The following USP15 variants were observed in gnomAD, a reference collection of about 807,000 sequenced individuals.
The protein encoded by USP15 is ubiquitin specific peptidase 15.
A neutral mutation model predicts 127.1 loss-of-function variants in USP15; 18 were observed. The ratio of observed to expected loss-of-function variants is 0.14; its 90% CI spans 0.10 to 0.21. USP15 has a LOEUF of 0.21. USP15 is among the 10% of genes least tolerant of loss of function. The pLI, the probability that USP15 is intolerant of heterozygous loss-of-function variation, is 1.00. For synonymous variants in USP15, 364 were observed against 393.7 expected (o/e 0.92, Z 0.89); for missense variants, 805 against 1,159.9 (o/e 0.69, Z 4.44).
At position 62,412,234 on chromosome 12, in the gene USP15, C is replaced by G. The variant is rs1055069879; in HGVS notation, c.*7859C>G. ...ATTTTCAAACTATTGCCAAAAAATG[C>G]TAAATAACCATCAGAGCCTTCAGCA... On this transcript the variant is annotated 3_prime_UTR_variant, in exon 22 of 22. Transcript: ENST00000280377. 2.6e-5 allele frequency: 4 copies of G among 152,292 alleles called. No homozygotes were observed. Among genetic ancestry groups the G allele is most frequent in the Admixed American group, 6.5e-5 (1 of 15,292 alleles). The allele number at this position is 152,292 out of a possible 1,614,324, so 9.4% of individuals were successfully genotyped here. A position where few individuals can be genotyped will look rare whatever the true frequency, so the allele number is the denominator to read the frequency against.
At chr12:62,385,304 A>T (rs1223140511) in intron 11 of USP15, among the ~76,000 whole-genome samples, 1 of 152,048 alleles carries the variant, frequency 6.6e-6, no homozygotes, top group East Asian at 1.9e-4. Flanking sequence ...TTTTTAGCCA[A>T]ATAGCTCAGT....
At chr12:62,260,844 T>G (rs1025839422) in intron 1 of USP15, among the ~76,000 whole-genome samples, 3 of 152,110 alleles carry the variant, frequency 2.0e-5, no homozygotes, top group African/African-American at 7.2e-5. Context: ...GTTTGAGTCT[T>G]ATATACGCCG....
chr12:62,388,116 G>GTTTTTTTTT (rs1565906819), intron 11 of USP15, among the ~76,000 whole-genome samples: 2 of 127,226 alleles, frequency 1.6e-5, no homozygotes, highest in South Asian at 2.5e-4. Flanking sequence ...GAATGGTGAA[G>GTTTTTTTTT]ATTTTTTTTT....
In USP15 at chr12:62,288,038, G is replaced by C. The variant is rs564349329; in HGVS notation, c.90-6141G>C. Among the ~76,000 whole-genome samples, 4 of 152,110 alleles carry C rather than the reference G, an allele frequency of 2.6e-5. No individual in the cohort carries two copies. In the South Asian group the frequency reaches 6.2e-4, roughly 24 times the overall value. Reference sequence around the variant, plus strand: ...TGGGTAATGTGATGCCTCCAGCTTTGTTCTTTTTGCTTAGTATTGCTTAAT... The same window carrying C: ...TGGGTAATGTGATGCCTCCAGCTTTCTTCTTTTTGCTTAGTATTGCTTAAT... On this transcript the variant is annotated intron_variant, in intron 1 of 21. Transcript: ENST00000280377.
intron 11 of USP15, among the ~76,000 whole-genome samples, chr12:62,388,160 T>TCA (rs2067216925): frequency 6.9e-6 from 1 of 144,524 alleles, no homozygotes; most frequent in African/African-American, 2.6e-5. Context: ...AGACAGGGTC[T>TCA]TGCTCTGTCA....
At chr12:62,300,235 T>G (rs942676958) in intron 2 of USP15, among the ~76,000 whole-genome samples, 1 of 152,182 alleles carries the variant, frequency 6.6e-6, no homozygotes, top group Non-Finnish European at 1.5e-5. Flanking sequence ...CAAAGATTTA[T>G]GTAAGATTTA....
chr12:62,336,171 A>C, intron 6 of USP15: 5 of 985,418 alleles, frequency 5.1e-6, no homozygotes, highest in Non-Finnish European at 4.8e-6. Context: ...GTTCAAAATT[A>C]GGTGATTCTA....
chr12:62,337,181 A>C (rs73136830), intron 6 of USP15, among the ~76,000 whole-genome samples: 2 of 152,130 alleles, frequency 1.3e-5, no homozygotes, highest in African/African-American at 4.8e-5. Flanking sequence ...CGAAAGCCCA[A>C]ATTTTATCAT....
intron 6 of USP15, among the ~76,000 whole-genome samples, chr12:62,341,650 C>A (rs2065651817): frequency 6.6e-6 from 1 of 152,132 alleles, no homozygotes; most frequent in Non-Finnish European, 1.5e-5. Flanking sequence ...CTTTGTTTGC[C>A]TGGATATGAA....
intron 8 of USP15, among the ~76,000 whole-genome samples, chr12:62,371,004 A>G (rs1441726247): frequency 3.3e-5 from 5 of 152,170 alleles, no homozygotes; most frequent in Admixed American, 2.0e-4. Context: ...CATTATTTCA[A>G]TGCTTAAGCA....
At chr12:62,374,065 TA>T (rs1183628510) in intron 8 of USP15, among the ~76,000 whole-genome samples, 4 of 152,018 alleles carry the variant, frequency 2.6e-5, no homozygotes, top group Admixed American at 6.6e-5. Flanking sequence ...TTGTCATGAT[TA>T]ATTAGAAAAC....
At chr12:62,389,371 T>G (rs1279784826) in intron 11 of USP15, 60 bp from the exon 12 acceptor site, 1 of 1,414,794 alleles carries the variant, frequency 7.1e-7, no homozygotes, top group Non-Finnish European at 9.7e-7. Flanking sequence ...GAGGTCACTC[T>G]CATTTACTGA....
At chr12:62,386,704 A>G (rs943893637) in intron 11 of USP15, among the ~76,000 whole-genome samples, 4 of 152,182 alleles carry the variant, frequency 2.6e-5, no homozygotes, top group African/African-American at 7.2e-5. Flanking sequence ...TGATGCCAGT[A>G]TAGGAAGTTT....
At chr12:62,392,005 T>TA (rs2067339233) in intron 17 of USP15, 119 bp downstream of exon 17, 2 of 1,091,686 alleles carry the variant, frequency 1.8e-6, no homozygotes, top group Non-Finnish European at 2.6e-6. Flanking sequence ...ATTTTGCCAG[T>TA]AAAAAATTGG....
chr12:62,392,956 T>G, intron 18 of USP15, 97 bp from the exon 19 acceptor site: 1 of 1,390,908 alleles, frequency 7.2e-7, no homozygotes, highest in Non-Finnish European at 9.9e-7. Context: ...GCCCACTGAA[T>G]AAATGTAGAA....
At chr12:62,332,877 C>T (rs2065346429) in intron 6 of USP15, among the ~76,000 whole-genome samples, 1 of 152,116 alleles carries the variant, frequency 6.6e-6, no homozygotes, top group African/African-American at 2.4e-5. Context: ...ATTTTCACAG[C>T]ACTGTCTTCT....
At chr12:62,327,048 T>G (rs2065149201) in intron 6 of USP15, among the ~76,000 whole-genome samples, 1 of 152,126 alleles carries the variant, frequency 6.6e-6, no homozygotes, top group South Asian at 2.1e-4. Flanking sequence ...GAGAATCACT[T>G]GAACCCAGGA....
intron 6 of USP15, among the ~76,000 whole-genome samples, chr12:62,336,881 T>C (rs2065484149): frequency 6.6e-6 from 1 of 152,218 alleles, no homozygotes; most frequent in Non-Finnish European, 1.5e-5. Flanking sequence ...ACATCAAAAC[T>C]TGACTAGTGG....
intron 1 of USP15, among the ~76,000 whole-genome samples, chr12:62,271,615 TAC>T (rs1461763053): frequency 6.6e-6 from 1 of 151,976 alleles, no homozygotes; most frequent in African/African-American, 2.4e-5. Context: ...GTAGAAAAGT[TAC>T]ACAGAGCTGA....
Sources: gnomAD v4.1 joint callset for allele counts (sites outside exome capture counted in the v4.1 genomes callset) on GRCh38, gnomAD v4.1.1 for gene constraint, MANE v1.5 for transcripts, NCBI Gene and HGNC (gene_info 2026-07-23, HGNC 2026-07-21) for gene names.